ABI3BP: variants seen among roughly 807,000 people sequenced by gnomAD.
ABI3BP encodes ABI family member 3 binding protein, also known as target of Nesh-SH3.
Under a neutral mutation model 268.6 loss-of-function variants are expected in ABI3BP, and 216 were observed. That is an observed-to-expected ratio of 0.80 (90% CI 0.72 to 0.90). ABI3BP has a LOEUF of 0.90. ABI3BP is among the 40% of genes least tolerant of loss of function. The pLI, the probability that ABI3BP is intolerant of heterozygous loss-of-function variation, is 0.00. For missense variants in ABI3BP, 2,090 were observed against 2,182.4 expected (o/e 0.96, Z 0.84); for synonymous variants, 730 against 730.0 (o/e 1.00, Z 0.00).
At chr3:100,971,711 G>T (rs1392364191) in intron 1 of ABI3BP, among the ~76,000 whole-genome samples, 4 of 152,128 alleles carry the variant, frequency 2.6e-5, no homozygotes, top group African/African-American at 9.7e-5. Context: ...TGAAATCAAA[G>T]CAGCTGGTAA....
chr3:100,898,668 G>A (rs2048792658), intron 4 of ABI3BP, 94 bp downstream of exon 4: 1 of 1,400,360 alleles, frequency 7.1e-7, no homozygotes, highest in Admixed American at 2.3e-5. Context: ...AGGCTGTACA[G>A]CTAAGAGGTG....
chr3:100,752,983 A>T (rs1559788683), intron 65 of ABI3BP, 35 bp from the exon 66 acceptor site: 1 of 1,576,458 alleles, frequency 6.3e-7, no homozygotes, highest in South Asian at 1.1e-5. Flanking sequence ...TTAGTATCTG[A>T]CTCTTGGGTC....
chr3:100,976,731 A>G (rs1576170532), intron 1 of ABI3BP, among the ~76,000 whole-genome samples: 1 of 152,324 alleles, frequency 6.6e-6, no homozygotes, highest in East Asian at 1.9e-4. Flanking sequence ...GCCTGATCCA[A>G]GTTTGTCCCA....
At chr3:100,811,588 T>C (rs761425427) in intron 47 of ABI3BP, 140 bp downstream of exon 47, 7 of 825,444 alleles carry the variant, frequency 8.5e-6, no homozygotes, top group East Asian at 2.7e-5. Flanking sequence ...AATTCAAGAA[T>C]GTTGGAAGCT....
chr3:100,810,896 T>C (rs1475821256), intron 48 of ABI3BP, among the ~76,000 whole-genome samples: 1 of 152,072 alleles, frequency 6.6e-6, no homozygotes, highest in Non-Finnish European at 1.5e-5. Context: ...TCAGAAAGTA[T>C]AAATGGATCA....
chr3:100,793,199 C>A (rs960435090), intron 54 of ABI3BP, among the ~76,000 whole-genome samples: 1 of 151,780 alleles, frequency 6.6e-6, no homozygotes, highest in Non-Finnish European at 1.5e-5. Context: ...TCACATAAAA[C>A]AAATATTCTA....
chr3:100,869,330 G>GTTTTTTTTTTTTTT (rs144604645), intron 9 of ABI3BP, among the ~76,000 whole-genome samples: 820 of 49,718 alleles, frequency 0.016, 103 homozygotes, highest in Non-Finnish European at 0.022. Flanking sequence ...CTTCTTTTTG[G>GTTTTTTTTTTTTTT]TTTTTTTTTT....
chr3:100,765,154 C>T (rs1249819044), intron 63 of ABI3BP, among the ~76,000 whole-genome samples: 1 of 148,632 alleles, frequency 6.7e-6, no homozygotes, highest in African/African-American at 2.5e-5. Context: ...CTAGAAATGT[C>T]TAAGACACTT....
intron 4 of ABI3BP, among the ~76,000 whole-genome samples, chr3:100,891,355 T>G (rs2044558468): frequency 6.6e-6 from 1 of 152,186 alleles, no homozygotes; most frequent in Non-Finnish European, 1.5e-5. Flanking sequence ...TTGGCAATTA[T>G]AACATAAAGT....
At chr3:100,858,894 G>A (rs1055851011) in intron 14 of ABI3BP, among the ~76,000 whole-genome samples, 3 of 152,140 alleles carry the variant, frequency 2.0e-5, no homozygotes, top group East Asian at 1.9e-4. Context: ...TGGCTGATAC[G>A]AGTAGATGTG....
At position 100,802,482 on chromosome 3, in the gene ABI3BP, G is replaced by A. The variant is rs572782575; in HGVS notation, c.3757+2310C>T. ...TCTTCCAAGGTAGATGTGGAGAAAAGCCACTTTCATTTTGGTGTGGACATG... is the reference window on the plus strand; with the variant it reads ...TCTTCCAAGGTAGATGTGGAGAAAAACCACTTTCATTTTGGTGTGGACATG... On this transcript the variant is annotated intron_variant, in intron 51 of 67. Transcript: ENST00000471714. Among the ~76,000 whole-genome samples, 8 of 152,286 alleles carry A rather than the reference G, an allele frequency of 5.3e-5. No homozygotes were observed. In the South Asian group the frequency reaches 1.4e-3, roughly 28 times the overall value.
chr3:100,755,809 ATAT>A (rs920556777), intron 63 of ABI3BP, among the ~76,000 whole-genome samples: 6 of 152,236 alleles, frequency 3.9e-5, no homozygotes, highest in African/African-American at 1.4e-4. Context: ...TCAGCTAATA[ATAT>A]TTTGAGAGTT....
At chr3:100,822,874 A>T (rs1049485989) in intron 37 of ABI3BP, among the ~76,000 whole-genome samples, 4 of 152,186 alleles carry the variant, frequency 2.6e-5, no homozygotes, top group African/African-American at 9.7e-5. Context: ...TTGAGAAATA[A>T]AGATTAGAAA....
At position 100,885,558 on chromosome 3, in the gene ABI3BP, G is replaced by A. The variant is rs1297999137; in HGVS notation, c.674C>T (p.Thr225Ile). The A allele has an allele frequency of 5.1e-6, 8 of 1,561,514 alleles. No individual in the cohort carries two copies. In the South Asian group the frequency reaches 6.0e-5, roughly 12 times the overall value. Reference sequence around the variant, plus strand: ...TACCACTGTGTGGTCTTGGTCATAGGTACTTTGGATTTTCCCATTTACTTT... The same window carrying A: ...TACCACTGTGTGGTCTTGGTCATAGATACTTTGGATTTTCCCATTTACTTT... ...SKKVNGKIQS[T>I]YDQDHTVPAY... Residue 225 changes from threonine to isoleucine, a missense_variant, in exon 6 of 68, where the codon ACC (threonine) becomes ATC (isoleucine). Thr to Ile is a moderately conservative substitution (Grantham distance 89). Coordinates refer to ENST00000471714, the MANE Select transcript of ABI3BP (RefSeq NM_001375547.2).
chr3:100,912,001 T>G, intron 2 of ABI3BP: 1 of 786,070 alleles, frequency 1.3e-6, no homozygotes, highest in East Asian at 2.4e-5. Context: ...AATATATTTC[T>G]GAATGTCAAT....
At chr3:100,836,116 G>T (rs1159765196) in intron 27 of ABI3BP, among the ~76,000 whole-genome samples, 1 of 152,102 alleles carries the variant, frequency 6.6e-6, no homozygotes, top group Non-Finnish European at 1.5e-5. Flanking sequence ...CAAAAGTCTT[G>T]TACGTTTTAT....
chr3:100,838,196 G>A lies in ABI3BP; in HGVS notation c.2083+14C>T, dbSNP rs984693140. On this transcript the variant is annotated intron_variant, in intron 26 of 67. Coordinates refer to ENST00000471714, the MANE Select transcript of ABI3BP (RefSeq NM_001375547.2). The stretch of plus-strand genomic sequence containing the variant: ...AAAATCCTGTTAAGCTAAAGCACTG[G>A]AAATTATGTTTACCGGATTTAGTTG... 90 of 1,531,068 alleles carry A rather than the reference G, an allele frequency of 5.9e-5. No individual in the cohort carries two copies. Among genetic ancestry groups the A allele is most frequent in the East Asian group, 7.3e-5 (3 of 40,890 alleles). 94.8% of individuals were successfully genotyped at this position (1,531,068 alleles called of 1,614,324 possible). A position where few individuals can be genotyped will look rare whatever the true frequency, so the allele number is the denominator to read the frequency against.
intron 1 of ABI3BP, among the ~76,000 whole-genome samples, chr3:100,967,312 G>A (rs1443903647): frequency 1.3e-5 from 2 of 151,878 alleles, no homozygotes; most frequent in African/African-American, 4.8e-5. Context: ...GACCAGCCAG[G>A]CCAACATGGT....
At chr3:100,902,763 C>G (rs2051064248) in intron 2 of ABI3BP, 77 bp from the exon 3 acceptor site, 1 of 1,219,196 alleles carries the variant, frequency 8.2e-7, no homozygotes, top group Non-Finnish European at 1.2e-6. Context: ...TACCCTGATT[C>G]AGCATTCCCT....
Sources: gnomAD v4.1 joint callset for allele counts (sites outside exome capture counted in the v4.1 genomes callset) on GRCh38, gnomAD v4.1.1 for gene constraint, MANE v1.5 for transcripts, NCBI Gene and HGNC (gene_info 2026-07-23, HGNC 2026-07-21) for gene names.